The following GRXCR1 variants were observed in gnomAD, a reference collection of about 807,000 sequenced individuals.
GRXCR1 encodes the protein glutaredoxin and cysteine rich domain containing 1, also known as glutaredoxin domain-containing cysteine-rich protein 1.
Under a neutral mutation model 27.3 loss-of-function variants are expected in GRXCR1, and 27 were observed. That is an observed-to-expected ratio of 0.99 (90% CI 0.73 to 1.37). The LOEUF (loss-of-function observed/expected upper bound fraction) is 1.37, where lower values mean the gene tolerates loss of function less well. GRXCR1 is among the 40% of genes most tolerant of loss of function. GRXCR1 has a pLI of 0.00. For synonymous variants in GRXCR1, 122 were observed against 131.1 expected (o/e 0.93, Z 0.47); for missense variants, 379 against 354.4 (o/e 1.07, Z -0.56).
intron 1 of GRXCR1, among the ~76,000 whole-genome samples, chr4:42,917,524 T>G (rs1746912154): frequency 6.6e-6 from 1 of 152,122 alleles, no homozygotes; most frequent in Admixed American, 6.5e-5. Context: ...ACTCATGACT[T>G]TATGATCTCT....
At chr4:42,995,322 T>A (rs1712116521) in intron 2 of GRXCR1, among the ~76,000 whole-genome samples, 1 of 152,196 alleles carries the variant, frequency 6.6e-6, no homozygotes, top group Non-Finnish European at 1.5e-5. Context: ...GTATTCCTGC[T>A]TTGGAAAATT....
chr4:42,959,737 C>T (rs755672169), intron 1 of GRXCR1, among the ~76,000 whole-genome samples: 10 of 151,798 alleles, frequency 6.6e-5, no homozygotes, highest in Admixed American at 3.3e-4. Flanking sequence ...AGATCTGGGG[C>T]GAGGCCTGTG....
chr4:42,944,389 C>G (rs1246234003), intron 1 of GRXCR1, among the ~76,000 whole-genome samples: 1 of 151,956 alleles, frequency 6.6e-6, no homozygotes, highest in African/African-American at 2.4e-5. Flanking sequence ...TAGCTTTATG[C>G]AATCAAATAG....
intron 1 of GRXCR1, among the ~76,000 whole-genome samples, chr4:42,930,256 C>T (rs1747271978): frequency 1.3e-5 from 2 of 152,008 alleles, no homozygotes. Flanking sequence ...TATTATTAGG[C>T]AACATTGTGC....
chr4:42,893,729 C>T, intron 1 of GRXCR1, 79 bp downstream of exon 1: 2 of 1,395,438 alleles, frequency 1.4e-6, no homozygotes, highest in South Asian at 2.3e-5. Context: ...CCAGTTAAAG[C>T]AAGCCTCTCT....
At chr4:42,990,153 CTTGAA>C (rs1213691359) in intron 2 of GRXCR1, among the ~76,000 whole-genome samples, 3 of 93,204 alleles carry the variant, frequency 3.2e-5, no homozygotes, top group Non-Finnish European at 6.9e-5. Flanking sequence ...TGTGCAACTT[CTTGAA>C]TTGAATTATT....
intron 2 of GRXCR1, among the ~76,000 whole-genome samples, chr4:42,967,313 A>G (rs1748269076): frequency 6.6e-6 from 1 of 151,978 alleles, no homozygotes; most frequent in Non-Finnish European, 1.5e-5. Flanking sequence ...TCTTTTCTTT[A>G]TTGAAATGCC....
chr4:42,911,896 C>T (rs1375590394), intron 1 of GRXCR1, among the ~76,000 whole-genome samples: 1 of 152,058 alleles, frequency 6.6e-6, no homozygotes, highest in African/African-American at 2.4e-5. Context: ...TTAGCAGAAA[C>T]ATAAGGTATG....
intron 1 of GRXCR1, among the ~76,000 whole-genome samples, chr4:42,916,116 A>G (rs1746881001): frequency 6.6e-6 from 1 of 150,872 alleles, no homozygotes; most frequent in South Asian, 2.1e-4. Flanking sequence ...AAAAAAGATT[A>G]CTGAAGCATG....
Position 42,971,378 on chromosome 4 carries a change from T to C in GRXCR1, c.627+8244T>C, listed in dbSNP as rs182553735. Among the ~76,000 whole-genome samples, 9 of 152,268 alleles carry C rather than the reference T, an allele frequency of 5.9e-5. 1 individual carries two copies. In the East Asian group the frequency reaches 1.2e-3, roughly 20 times the overall value. ...AGTACCAATTTCCTGTATTAGTTCA[T>C]TTTCACACTGCTATAAAGAACTACC... is the stretch of plus-strand genomic sequence containing the variant. On this transcript the variant is annotated intron_variant, in intron 2 of 3. Transcript: ENST00000399770.
intron 1 of GRXCR1, among the ~76,000 whole-genome samples, chr4:42,913,365 AG>A (rs1388671533): frequency 2.0e-5 from 3 of 152,182 alleles, no homozygotes; most frequent in Non-Finnish European, 2.9e-5. Flanking sequence ...GTCCAGGCTG[AG>A]GGGGTCTCAG....
At chr4:42,965,605 T>G (rs541124195) in intron 2 of GRXCR1, among the ~76,000 whole-genome samples, 18 of 152,182 alleles carry the variant, frequency 1.2e-4, no homozygotes, top group Non-Finnish European at 1.8e-4. Flanking sequence ...TGTTGGTAAT[T>G]TCCTTAACAT....
chr4:42,922,264 G>C (rs1219512728), intron 1 of GRXCR1, among the ~76,000 whole-genome samples: 3 of 152,074 alleles, frequency 2.0e-5, no homozygotes, highest in African/African-American at 4.8e-5. Flanking sequence ...CCTGCCTCCT[G>C]GTCTGTCTGT....
At chr4:42,916,302 G>A (rs979618467) in intron 1 of GRXCR1, among the ~76,000 whole-genome samples, 2 of 152,048 alleles carry the variant, frequency 1.3e-5, no homozygotes, top group Non-Finnish European at 2.9e-5. Context: ...AAGGCTAAAT[G>A]GTAGTTAAAG....
At chr4:42,940,763 C>T (rs776475941) in intron 1 of GRXCR1, among the ~76,000 whole-genome samples, 1 of 151,898 alleles carries the variant, frequency 6.6e-6, no homozygotes, top group East Asian at 1.9e-4. Flanking sequence ...TCACTTTTTA[C>T]TCTCGTTTTT....
intron 2 of GRXCR1, among the ~76,000 whole-genome samples, chr4:42,999,029 C>A (rs1333817685): frequency 1.3e-5 from 2 of 152,120 alleles, no homozygotes; most frequent in African/African-American, 4.8e-5. Flanking sequence ...GGTGCACAAT[C>A]CAGATAACAA....
chr4:42,913,769 G>A (rs1010995907), intron 1 of GRXCR1, among the ~76,000 whole-genome samples: 3 of 152,088 alleles, frequency 2.0e-5, no homozygotes, highest in East Asian at 1.9e-4. Context: ...AAACCTAGGA[G>A]GGAAAAATGG....
intron 2 of GRXCR1, among the ~76,000 whole-genome samples, chr4:42,964,176 GCATTTCAACATA>G (rs1465915193): frequency 4.0e-5 from 6 of 151,806 alleles, no homozygotes; most frequent in African/African-American, 1.5e-4. Flanking sequence ...TCTTTTTGTT[GCATTTCAACATA>G]TATCCTTAGG....
intron 2 of GRXCR1, among the ~76,000 whole-genome samples, chr4:42,976,881 C>T (rs1026355233): frequency 6.6e-6 from 1 of 151,886 alleles, no homozygotes; most frequent in African/African-American, 2.4e-5. Context: ...AACTCTAGTC[C>T]TCCAATAGAC....
Sources: gnomAD v4.1 joint callset for allele counts (sites outside exome capture counted in the v4.1 genomes callset) on GRCh38, gnomAD v4.1.1 for gene constraint, MANE v1.5 for transcripts, NCBI Gene and HGNC (gene_info 2026-07-23, HGNC 2026-07-21) for gene names.